Variants in PLBD1 observed in about 807,000 individuals in gnomAD.
The protein encoded by PLBD1 is phospholipase B domain containing 1.
PLBD1 carries 60 observed loss-of-function variants against 63.0 expected under a neutral mutation model. The ratio of observed to expected loss-of-function variants is 0.95; its 90% CI spans 0.77 to 1.18. The LOEUF is 1.18. PLBD1 is among the 50% of genes most tolerant of loss of function. The probability of loss-of-function intolerance (pLI) is 0.00; values close to 1 mark genes in which losing one functional copy is unlikely to be tolerated. For missense variants in PLBD1, 598 were observed against 677.9 expected (o/e 0.88, Z 1.31); for synonymous variants, 262 against 248.0 (o/e 1.06, Z -0.53).
chr12:14,561,934 C>T (rs964821461), intron 1 of PLBD1, among the ~76,000 whole-genome samples: 1 of 152,182 alleles, frequency 6.6e-6, no homozygotes, highest in African/African-American at 2.4e-5. Context: ...CTTGATAGTA[C>T]AGTCATTCTC....
chr12:14,513,681 T>A (rs1444563607), intron 6 of PLBD1, among the ~76,000 whole-genome samples: 2 of 152,232 alleles, frequency 1.3e-5, no homozygotes, highest in Non-Finnish European at 2.9e-5. Context: ...CTGGGACTAA[T>A]GTCATTCAGC....
chr12:14,540,106 T>TTTTTTATATATATATATATATA (rs71448876), intron 4 of PLBD1, among the ~76,000 whole-genome samples: 6 of 64,032 alleles, frequency 9.4e-5, no homozygotes, highest in African/African-American at 1.2e-4. Flanking sequence ...AATATAAATA[T>TTTTTTATATATATATATATATA]TATTTATATA....
intron 6 of PLBD1, among the ~76,000 whole-genome samples, chr12:14,512,253 ATTC>A (rs1945304087): frequency 6.6e-6 from 1 of 151,590 alleles, no homozygotes; most frequent in Non-Finnish European, 1.5e-5. Flanking sequence ...GGTTCAAGCA[ATTC>A]TTGTGCCTCA....
In PLBD1 at chr12:14,567,735, G is replaced by GCCGCGGTGGC. The variant is rs1229180704; in HGVS notation, c.-49_-40dup. ...CGACCTTCCTCTGCGGGATCAGGCG[G>GCCGCGGTGGC]CCGCGGTGGCCCGCGGTGGCAGAAG... On this transcript the variant is annotated 5_prime_UTR_variant, in exon 1 of 11. Transcript: ENST00000240617. 18 of 1,386,760 alleles carry GCCGCGGTGGC rather than the reference G, an allele frequency of 1.3e-5. No individual in the cohort carries two copies. Among genetic ancestry groups the GCCGCGGTGGC allele is most frequent in the African/African-American group, 3.1e-5 (2 of 65,336 alleles). 85.9% of individuals were successfully genotyped at this position (1,386,760 alleles called of 1,614,324 possible). A position where few individuals can be genotyped will look rare whatever the true frequency, so the allele number is the denominator to read the frequency against.
intron 6 of PLBD1, 142 bp from the exon 7 acceptor site, chr12:14,511,853 C>A (rs919835043): frequency 2.3e-5 from 19 of 817,674 alleles, no homozygotes; most frequent in Non-Finnish European, 3.5e-5. Flanking sequence ...TAGCCTCCCC[C>A]AGCTTTGGCT....
chr12:14,518,938 C>G (rs908297676), intron 6 of PLBD1, among the ~76,000 whole-genome samples: 3 of 150,450 alleles, frequency 2.0e-5, no homozygotes, highest in Admixed American at 2.0e-4. Context: ...TATTACCCAG[C>G]CAAAAAAAAA....
At chr12:14,504,099 G>T in intron 10 of PLBD1, 145 bp from the exon 11 acceptor site, 2 of 724,152 alleles carry the variant, frequency 2.8e-6, no homozygotes, top group Non-Finnish European at 2.2e-6. Context: ...GCCCAGACTG[G>T]AGTACAGTGG....
intron 4 of PLBD1, among the ~76,000 whole-genome samples, chr12:14,537,327 T>C (rs2417370): frequency 0.97 from 148,282 of 152,098 alleles, 72,344 homozygotes; most frequent in East Asian, 1. Context: ...CATTTTGAGC[T>C]GGCCGATACT....
In PLBD1 at chr12:14,537,281, C is replaced by T. The variant is rs533855284; in HGVS notation, c.559-571G>A. Among the ~76,000 whole-genome samples the T allele has an allele frequency of 5.9e-5, 9 of 152,168 alleles. No individual in the cohort carries two copies. The South Asian group carries it at 1.2e-3, about 21-fold the overall frequency. ...AGTAAAACAGAGCTTTCTGTTTGCA[C>T]TCTACAGCAGTGCTTCTCAACCTTG... On this transcript the variant is annotated intron_variant, in intron 4 of 10. Transcript: ENST00000240617.
intron 6 of PLBD1, among the ~76,000 whole-genome samples, chr12:14,524,681 T>C (rs746113868): frequency 1.3e-5 from 2 of 152,232 alleles, no homozygotes; most frequent in East Asian, 1.9e-4. Flanking sequence ...GATCAAGTCA[T>C]GGTATTTGCT....
chr12:14,544,744 T>A (rs1945603986), intron 2 of PLBD1, among the ~76,000 whole-genome samples: 1 of 152,162 alleles, frequency 6.6e-6, no homozygotes, highest in Non-Finnish European at 1.5e-5. Flanking sequence ...TTGAGATTTT[T>A]AAAAATTAAC....
At chr12:14,540,506 T>C (rs968266281) in intron 4 of PLBD1, among the ~76,000 whole-genome samples, 4 of 152,166 alleles carry the variant, frequency 2.6e-5, no homozygotes, top group African/African-American at 7.2e-5. Context: ...ATTCATACTA[T>C]GCTTTTTAAC....
intron 2 of PLBD1, 97 bp downstream of exon 2, chr12:14,553,096 G>T: frequency 9.0e-7 from 1 of 1,114,400 alleles, no homozygotes; most frequent in South Asian, 1.4e-5. Flanking sequence ...CTACTCTTCA[G>T]TTCTAATGTG....
chr12:14,540,109 TTTATA>T lies in PLBD1; in HGVS notation c.558+650_558+654del, dbSNP rs1565577660. ...AGAGAGTTATATAATATAAATATTATTTATATATATATATATATATATACTGGCAA... is the reference window on the plus strand; with the variant it reads ...AGAGAGTTATATAATATAAATATTATTATATATATATATATATACTGGCAA... On this transcript the variant is annotated intron_variant, in intron 4 of 10. Transcript: ENST00000240617. 1.8e-3 allele frequency among the ~76,000 whole-genome samples: 64 copies of T among 35,378 alleles called. 1 individual carries two copies. Among genetic ancestry groups the T allele is most frequent in the South Asian group, 4.8e-3 (4 of 830 alleles). 23.2% of individuals were successfully genotyped at this position (35,378 alleles called of 152,430 possible).
chr12:14,540,135 G>C (rs1945560234), intron 4 of PLBD1, among the ~76,000 whole-genome samples: 1 of 25,910 alleles, frequency 3.9e-5, no homozygotes, highest in Non-Finnish European at 9.0e-5. Context: ...TATATATACT[G>C]GCAAAATAGA....
chr12:14,527,387 G>C (rs1281957300), intron 6 of PLBD1, among the ~76,000 whole-genome samples: 2 of 151,992 alleles, frequency 1.3e-5, no homozygotes, highest in East Asian at 3.9e-4. Context: ...TCTGTTACTA[G>C]TACCATCTTG....
chr12:14,529,267 G>C (rs930493782), intron 6 of PLBD1, among the ~76,000 whole-genome samples: 2 of 151,622 alleles, frequency 1.3e-5, no homozygotes, highest in African/African-American at 4.8e-5. Flanking sequence ...AAACACTTAG[G>C]AGAAAGAAAT....
At chr12:14,536,845 T>A in intron 4 of PLBD1, 135 bp from the exon 5 acceptor site, 2 of 1,176,330 alleles carry the variant, frequency 1.7e-6, no homozygotes, top group Non-Finnish European at 2.4e-6. Flanking sequence ...TCCCAGCACT[T>A]TGGGAGGCCA....
intron 2 of PLBD1, among the ~76,000 whole-genome samples, chr12:14,547,180 TTGTGTGTGTGTGTGTG>T (rs56182227): frequency 7.2e-5 from 10 of 138,218 alleles, no homozygotes; most frequent in East Asian, 4.4e-4. Context: ...GCACCTGGCT[TTGTGTGTGTGTGTGTG>T]TGTGTGTGTG....
Sources: gnomAD v4.1 joint callset for allele counts (sites outside exome capture counted in the v4.1 genomes callset) on GRCh38, gnomAD v4.1.1 for gene constraint, MANE v1.5 for transcripts, NCBI Gene and HGNC (gene_info 2026-07-23, HGNC 2026-07-21) for gene names.